Variants in SHC2 observed in about 807,000 individuals in gnomAD.
The protein encoded by SHC2 is SHC-transforming protein 2.
A neutral mutation model predicts 60.6 loss-of-function variants in SHC2; 62 were observed. That is an observed-to-expected ratio of 1.02 (90% CI 0.83 to 1.26). SHC2 has a LOEUF of 1.26. Ranked by LOEUF, SHC2 falls within the 50% of genes most tolerant of loss-of-function variation. The pLI is 0.00. For synonymous variants in SHC2, 375 were observed against 372.4 expected (o/e 1.01, Z -0.08); for missense variants, 873 against 822.2 (o/e 1.06, Z -0.76).
Position 460,882 on chromosome 19 carries a change from C to T in SHC2, c.115G>A (p.Ala39Thr). 1.0e-6 allele frequency: 1 copy of T among 990,454 alleles called. No individual in the cohort carries two copies. The highest frequency in any genetic ancestry group is 1.2e-6 in the Non-Finnish European group (1 of 834,684). The allele number at this position is 990,454 out of a possible 1,614,324, so 61.4% of individuals were successfully genotyped here. A position where few individuals can be genotyped will look rare whatever the true frequency, so the allele number is the denominator to read the frequency against. ...CCGCGGCCCAGGAAGCCGCCCGGGGCCGCGAACTTCCACTGCGGCATTCGG... is the reference window on the plus strand; with the variant it reads ...CCGCGGCCCAGGAAGCCGCCCGGGGTCGCGAACTTCCACTGCGGCATTCGG... ...LPRMPQWKFA[A>T]PGGFLGRGPA... The change falls in exon 1 of 13, where the codon GCC becomes ACC. Residue 39 changes from alanine (A) to threonine (T), a missense_variant. By Grantham distance (58) the Ala-to-Thr change is moderately conservative (BLOSUM62 0). Coordinates refer to ENST00000264554, the MANE Select transcript of SHC2 (RefSeq NM_012435.3).
Position 441,513 on chromosome 19 carries a change from T to C in SHC2, c.469-581A>G, listed in dbSNP as rs1974868564. Reference sequence around the variant, plus strand: ...CCACCGAGTCCCTGACCTGCTTCAGTGCCGTAAAGGGTGGGGGAACAGGGC... The same window carrying C: ...CCACCGAGTCCCTGACCTGCTTCAGCGCCGTAAAGGGTGGGGGAACAGGGC... On this transcript the variant is annotated intron_variant, in intron 1 of 12. Transcript: ENST00000264554. The surrounding 1 kb of genome is among the most constrained non-coding windows in gnomAD (Gnocchi z 4.9). Among the ~76,000 whole-genome samples the C allele has an allele frequency of 2.7e-5, 4 of 150,392 alleles. No individual in the cohort carries two copies. The highest frequency in any genetic ancestry group is 1.3e-4 in the Admixed American group (2 of 15,032).
rs866509036 is a variant in SHC2 at position 442,569 on chromosome 19, G to A, written c.469-1637C>T. Among the ~76,000 whole-genome samples, 10 of 43,086 alleles carry A rather than the reference G, an allele frequency of 2.3e-4. No individual in the cohort carries two copies. In the East Asian group the frequency reaches 4.2e-3, roughly 18 times the overall value. 28.3% of individuals were successfully genotyped at this position (43,086 alleles called of 152,430 possible). On this transcript the variant is annotated intron_variant, in intron 1 of 12. Coordinates refer to ENST00000264554, the MANE Select transcript of SHC2 (RefSeq NM_012435.3). ...TGGGTGGATGGGTGGGTGGGTGGAC[G>A]GATGGCTGGATGGATGGGTGGGTGG...
chr19:432,242 GCGCTT>G (rs2145712007), intron 8 of SHC2, among the ~76,000 whole-genome samples: 1 of 2,112 alleles, frequency 4.7e-4, no homozygotes, highest in Non-Finnish European at 7.8e-4. Context: ...CAGATAGATG[GCGCTT>G]CATCGTGAGT....
chr19:444,285 C>T (rs1378461470), intron 1 of SHC2, among the ~76,000 whole-genome samples: 1 of 152,106 alleles, frequency 6.6e-6, no homozygotes, highest in Non-Finnish European at 1.5e-5. Context: ...CTGGATTCTC[C>T]CACTGAGGAG....
chr19:435,279 G>A (rs1281714367), intron 7 of SHC2, among the ~76,000 whole-genome samples: 4 of 152,250 alleles, frequency 2.6e-5, no homozygotes, highest in Non-Finnish European at 5.9e-5. Context: ...TCCTGCAGGT[G>A]CTCCTCAGCA....
chr19:422,190 C>A lies in SHC2; in HGVS notation c.1576G>T (p.Ala526Ser). ...AGCAGCAGGTGCTTGGGCTGCCCGGCGTGCATGCCGGTGAGGACATACTGC... is the reference window on the plus strand; with the variant it reads ...AGCAGCAGGTGCTTGGGCTGCCCGGAGTGCATGCCGGTGAGGACATACTGC... ...PGQYVLTGMH[A>S]GQPKHLLLVD... Residue 526 changes from alanine to serine, a missense_variant, in exon 11 of 13, where the codon GCC (alanine) becomes TCC (serine). Ala to Ser is a moderately conservative substitution (Grantham distance 99). Transcript: ENST00000264554. This position sits in a 1 kb window ranked among gnomAD's most constrained non-coding sequence, Gnocchi z 5.0. The A allele has an allele frequency of 6.2e-7, 1 of 1,612,426 alleles. No homozygotes were observed. Among genetic ancestry groups the A allele is most frequent in the Non-Finnish European group, 8.5e-7 (1 of 1,179,570 alleles).
In SHC2 at chr19:422,672, T is replaced by A. The variant is rs1974310884; in HGVS notation, c.1310-216A>T. ...GCAACCTGGACTCCCCAGGTTGGGTTTTCTAGGCACGTACTAAGCATGTAC... is the reference window on the plus strand; with the variant it reads ...GCAACCTGGACTCCCCAGGTTGGGTATTCTAGGCACGTACTAAGCATGTAC... On this transcript the variant is annotated intron_variant, in intron 10 of 12. Transcript: ENST00000264554. This position sits in a 1 kb window ranked among gnomAD's most constrained non-coding sequence, Gnocchi z 5.0. The A allele has an allele frequency of 9.5e-6, 5 of 524,162 alleles. No individual in the cohort carries two copies. The highest frequency in any genetic ancestry group is 1.9e-5 in the African/African-American group (1 of 52,092). The allele number at this position is 524,162 out of a possible 1,614,324, so 32.5% of individuals were successfully genotyped here.
Position 436,393 on chromosome 19 carries a change from G to A in SHC2, c.813C>T (p.Pro271=), listed in dbSNP as rs1243921696. 3 of 1,593,860 alleles carry A rather than the reference G, an allele frequency of 1.9e-6. No individual in the cohort carries two copies. Among genetic ancestry groups the A allele is most frequent in the South Asian group, 2.2e-5 (2 of 90,236 alleles). The change falls in exon 6 of 13, where the codon CCC becomes CCT. Residue 271 remains proline, a synonymous_variant. Transcript: ENST00000264554. The part of the protein sequence containing the change: ...TDYVAYVAKD[P]INQRACHILE... Reference sequence around the variant, plus strand: ...CGGGGGCCTCACCTCTCTGGTTGATGGGGTCCTTGGCGACGTAGGCCACGT... The same window carrying A: ...CGGGGGCCTCACCTCTCTGGTTGATAGGGTCCTTGGCGACGTAGGCCACGT...
intron 1 of SHC2, among the ~76,000 whole-genome samples, chr19:450,151 G>A (rs987065585): frequency 1.7e-4 from 26 of 152,206 alleles, no homozygotes; most frequent in African/African-American, 4.3e-4. Context: ...CCATCATCGC[G>A]AGGCTGGGCA....
At position 426,348 on chromosome 19, in the gene SHC2, G is replaced by A. The variant is rs556191873; in HGVS notation, c.1175-1117C>T. 2.0e-5 allele frequency among the ~76,000 whole-genome samples: 3 copies of A among 151,126 alleles called. No homozygotes were observed. The South Asian group carries it at 6.2e-4, about 31-fold the overall frequency. ...GCAGTTCCAAGAGTCCGGGGAGGGA[G>A]GACGACAGTGCGAGAGGCAGAGTCC... On this transcript the variant is annotated intron_variant, in intron 9 of 12. Coordinates refer to ENST00000264554, the MANE Select transcript of SHC2 (RefSeq NM_012435.3).
At chr19:442,446 GAT>G (rs1974896267) in intron 1 of SHC2, among the ~76,000 whole-genome samples, 1 of 133,414 alleles carries the variant, frequency 7.5e-6, no homozygotes, top group East Asian at 2.5e-4. Context: ...CGGGTGGATG[GAT>G]GGATGGATGA....
intron 1 of SHC2, among the ~76,000 whole-genome samples, chr19:444,101 C>A (rs904652772): frequency 3.4e-5 from 4 of 117,368 alleles, no homozygotes; most frequent in Non-Finnish European, 7.1e-5. Flanking sequence ...GATGGATGGA[C>A]AGGTGGATGG....
In SHC2 at chr19:446,899, C is replaced by T. The variant is rs1286847096; in HGVS notation, c.469-5967G>A. On this transcript the variant is annotated intron_variant, in intron 1 of 12. Transcript: ENST00000264554. This position sits in a 1 kb window ranked among gnomAD's most constrained non-coding sequence, Gnocchi z 5.4. ...AGCCGAGGTCCCCATGTCTGCACTC[C>T]CAGCCTGGGAGACCGTCCGAGTCTC... Among the ~76,000 whole-genome samples, 1 of 152,144 alleles carries T rather than the reference C, an allele frequency of 6.6e-6. No individual in the cohort carries two copies. The highest frequency in any genetic ancestry group is 6.5e-5 in the Admixed American group (1 of 15,278).
At chr19:439,353 G>A (rs1974801827) in intron 2 of SHC2, 1 of 423,496 alleles carries the variant, frequency 2.4e-6, no homozygotes, top group Non-Finnish European at 4.3e-6. Flanking sequence ...CTCTTTCCCA[G>A]GGACCAGTGT....
chr19:460,382 G>A (rs187037126), intron 1 of SHC2, 147 bp downstream of exon 1: 33,084 of 324,642 alleles, frequency 0.1, 2,083 homozygotes, highest in Middle Eastern at 0.18. Flanking sequence ...GCCGGCCGCC[G>A]GCCGGGGATG....
chr19:417,786 G>A (rs1017490651), intron 12 of SHC2, among the ~76,000 whole-genome samples: 2 of 152,062 alleles, frequency 1.3e-5, no homozygotes, highest in African/African-American at 4.8e-5. Flanking sequence ...TGCCATACCC[G>A]GAGCCCCCTC....
chr19:429,238 A>G (rs369218369), intron 9 of SHC2, among the ~76,000 whole-genome samples: 86 of 116,384 alleles, frequency 7.4e-4, no homozygotes, highest in Middle Eastern at 8.2e-3. Context: ...TGTGGATGAC[A>G]CAGTACCTAT....
Position 425,188 on chromosome 19 carries a change from G to T in SHC2, c.1218C>A (p.Pro406=). 1 of 1,346,668 alleles carries T rather than the reference G, an allele frequency of 7.4e-7. No homozygotes were observed. Among genetic ancestry groups the T allele is most frequent in the Non-Finnish European group, 9.6e-7 (1 of 1,039,466 alleles). 83.4% of individuals were successfully genotyped at this position (1,346,668 alleles called of 1,614,324 possible). ...CATACAGGTGCTCCTCGTGGTCCGG[G>T]GGGCCCCGGGCGTCCGCCTGCACGT... ...DGYVQADARG[P]PDHEEHLYVN... The change falls in exon 10 of 13, where the codon CCC becomes CCA. Residue 406 remains proline, a synonymous_variant. Transcript: ENST00000264554. This position sits in a 1 kb window ranked among gnomAD's most constrained non-coding sequence, Gnocchi z 4.1.
rs1420145810 is a variant in SHC2, at chr19:453,301, G to C, written c.468+7228C>G. ...AGTTTTGTTTCTGAGGCAGGGTCTT[G>C]CTCTGTCACCCAGGCTGGAGGGCAG... is the stretch of plus-strand genomic sequence containing the variant. On this transcript the variant is annotated intron_variant, in intron 1 of 12. Transcript: ENST00000264554. This position sits in a 1 kb window ranked among gnomAD's most constrained non-coding sequence, Gnocchi z 6.3. 1 of 152,122 alleles carries C rather than the reference G, an allele frequency of 6.6e-6. No homozygotes were observed. Among genetic ancestry groups the C allele is most frequent in the Admixed American group, 6.6e-5 (1 of 15,262 alleles). 9.4% of individuals were successfully genotyped at this position (152,122 alleles called of 1,614,324 possible). A position where few individuals can be genotyped will look rare whatever the true frequency, so the allele number is the denominator to read the frequency against.
Sources: allele counts gnomAD v4.1 joint callset (sites outside exome capture counted in the v4.1 genomes callset), GRCh38; gene constraint gnomAD v4.1.1; non-coding constraint Gnocchi (gnomAD v3.1); transcripts MANE v1.5; gene names NCBI Gene and HGNC (gene_info 2026-07-23, HGNC 2026-07-21).